DDC: variants seen among roughly 807,000 people sequenced by gnomAD.
The protein encoded by DDC is aromatic-L-amino-acid decarboxylase.
DDC carries 43 observed loss-of-function variants against 60.0 expected under a neutral mutation model. That is an observed-to-expected ratio of 0.72 (90% confidence interval 0.56 to 0.92). DDC has a LOEUF of 0.92. Ranked by LOEUF, DDC falls within the 40% of genes least tolerant of loss-of-function variation. The pLI is 0.00. For missense variants in DDC, 573 were observed against 620.2 expected (o/e 0.92, Z 0.81); for synonymous variants, 232 against 234.6 (o/e 0.99, Z 0.10).
Position 50,543,989 on chromosome 7 carries a change from C to A in DDC, c.97G>T (p.Val33Leu), listed in dbSNP as rs200593672. 3 of 1,614,126 alleles carry A rather than the reference C, an allele frequency of 1.9e-6. No homozygotes were observed. The highest frequency in any genetic ancestry group is 2.5e-6 in the Non-Finnish European group (3 of 1,179,970). Reference protein sequence around the residue: ...GIEGRQVYPDVEPGYLRPLIP... With the variant: ...GIEGRQVYPDLEPGYLRPLIP... ...AGCGGCCGCAGGTACCCGGGCTCCA[C>A]GTCAGGGTAGACCTGGCGTCCCTCA... The change falls in exon 2 of 15, where the codon GTG becomes TTG. Residue 33 changes from valine (V) to leucine (L), a missense_variant. Transcript: ENST00000444124.
chr7:50,495,577 A>AGG lies in DDC; in HGVS notation c.877-162_877-161dup, dbSNP rs200375903. Among the ~76,000 whole-genome samples the AGG allele has an allele frequency of 1.9e-4, 29 of 152,230 alleles. No individual in the cohort carries two copies. The East Asian group carries it at 5.4e-3, about 28-fold the overall frequency. ...AGGGGAGTAGTAACTTGTAGTGGGTAGGGGAGTCTTCTGGAGTGCTGGAAT... is the reference window on the plus strand; with the variant it reads ...AGGGGAGTAGTAACTTGTAGTGGGTAGGGGGGAGTCTTCTGGAGTGCTGGAAT... On this transcript the variant is annotated intron_variant, in intron 8 of 14. Transcript: ENST00000444124.
intron 1 of DDC, among the ~76,000 whole-genome samples, chr7:50,545,239 A>G (rs1477339925): frequency 6.6e-6 from 1 of 152,232 alleles, no homozygotes; most frequent in African/African-American, 2.4e-5. Flanking sequence ...CGCTACACAT[A>G]TGTACGTCCC....
intron 12 of DDC, 66 bp downstream of exon 12, chr7:50,470,007 A>G (rs1465536241): frequency 1.6e-5 from 17 of 1,068,018 alleles, no homozygotes; most frequent in Non-Finnish European, 1.3e-5. Context: ...AAAAATTTGA[A>G]TTTATTTCTA....
chr7:50,550,778 A>G (rs2044968490), intron 1 of DDC, among the ~76,000 whole-genome samples: 1 of 152,236 alleles, frequency 6.6e-6, no homozygotes, highest in Non-Finnish European at 1.5e-5. Flanking sequence ...ATATGCATCT[A>G]TCTCTGTGAG....
At chr7:50,467,494 C>T (rs1167893217) in intron 12 of DDC, among the ~76,000 whole-genome samples, 179 bp from the exon 13 acceptor site, 1 of 152,200 alleles carries the variant, frequency 6.6e-6, no homozygotes. Flanking sequence ...GAAACTCATT[C>T]CCTACATTAG....
At chr7:50,461,807 G>A (rs898381885) in intron 14 of DDC, among the ~76,000 whole-genome samples, 19 of 152,144 alleles carry the variant, frequency 1.2e-4, no homozygotes, top group Non-Finnish European at 4.4e-5. Context: ...ATACCACTTT[G>A]GAGTTGCTCT....
At chr7:50,490,878 A>G (rs1779438901) in intron 9 of DDC, among the ~76,000 whole-genome samples, 1 of 152,244 alleles carries the variant, frequency 6.6e-6, no homozygotes, top group Non-Finnish European at 1.5e-5. Flanking sequence ...TTATTTTACA[A>G]ATAAATTGGC....
intron 8 of DDC, among the ~76,000 whole-genome samples, chr7:50,496,876 G>T (rs1272986580): frequency 6.6e-6 from 1 of 152,192 alleles, no homozygotes; most frequent in Non-Finnish European, 1.5e-5. Context: ...GTCCTGGGAG[G>T]CATTTGGTTG....
chr7:50,562,161 C>G (rs2045354801), intron 1 of DDC, among the ~76,000 whole-genome samples: 1 of 152,216 alleles, frequency 6.6e-6, no homozygotes, highest in Non-Finnish European at 1.5e-5. Context: ...GGAACTGGGA[C>G]AGAGGCAGCG....
At chr7:50,551,002 T>C (rs763338885) in intron 1 of DDC, among the ~76,000 whole-genome samples, 3 of 152,212 alleles carry the variant, frequency 2.0e-5, no homozygotes, top group Non-Finnish European at 2.9e-5. Flanking sequence ...CAACCTCTTG[T>C]TTACGTTTCT....
chr7:50,556,764 T>A (rs1308507563), intron 1 of DDC, among the ~76,000 whole-genome samples: 1 of 152,180 alleles, frequency 6.6e-6, no homozygotes. Context: ...TTGGCGAGAT[T>A]GGTCTGCGTT....
intron 1 of DDC, among the ~76,000 whole-genome samples, chr7:50,552,460 C>T (rs2045032062): frequency 6.6e-6 from 1 of 152,192 alleles, no homozygotes; most frequent in Non-Finnish European, 1.5e-5. Flanking sequence ...GGTGAGCTGG[C>T]TGCCTCCCTG....
intron 7 of DDC, among the ~76,000 whole-genome samples, chr7:50,502,130 A>T (rs2043274475): frequency 6.6e-6 from 1 of 152,120 alleles, no homozygotes; most frequent in Non-Finnish European, 1.5e-5. Flanking sequence ...CTGCCAATGG[A>T]TGAAAGGGTT....
At chr7:50,462,121 C>T (rs535555340) in intron 14 of DDC, among the ~76,000 whole-genome samples, 9 of 147,322 alleles carry the variant, frequency 6.1e-5, no homozygotes, top group Non-Finnish European at 1.0e-4. Context: ...AAATCCCCCA[C>T]GGGTTATAAT....
Position 50,467,243 on chromosome 7 carries a change from T to G in DDC, c.1213A>C (p.Ile405Leu). The G allele has an allele frequency of 6.2e-7, 1 of 1,614,146 alleles. No homozygotes were observed. Among genetic ancestry groups the G allele is most frequent in the Non-Finnish European group, 8.5e-7 (1 of 1,179,994 alleles). Residue 405 changes from isoleucine to leucine, a missense_variant, in exon 13 of 15, where the codon ATT (isoleucine) becomes CTT (leucine). Ile to Leu is a conservative substitution (Grantham distance 5, BLOSUM62 2). Transcript: ENST00000444124. ...DPRFEICVEV[I>L]LGLVCFRLKG... ...AGCCGAAAGCAGACAAGCCCCAGAA[T>G]GACTTCCACACAGATTTCAAAGCGG...
At chr7:50,468,142 G>A (rs867187279) in intron 12 of DDC, among the ~76,000 whole-genome samples, 12 of 152,348 alleles carry the variant, frequency 7.9e-5, no homozygotes, top group Middle Eastern at 3.4e-3. Flanking sequence ...GCGGCGCCTC[G>A]CGGGCAGGGG....
At chr7:50,481,802 C>T (rs939407444) in intron 9 of DDC, among the ~76,000 whole-genome samples, 3 of 152,134 alleles carry the variant, frequency 2.0e-5, no homozygotes, top group Admixed American at 6.5e-5. Flanking sequence ...CATACTGTAC[C>T]ATAAACTTAA....
At chr7:50,544,296 G>A (rs999450127) in intron 1 of DDC, among the ~76,000 whole-genome samples, 183 bp from the exon 2 acceptor site, 1 of 152,174 alleles carries the variant, frequency 6.6e-6, no homozygotes, top group African/African-American at 2.4e-5. Flanking sequence ...CACTGGATTT[G>A]GGACTGAGGC....
intron 11 of DDC, among the ~76,000 whole-genome samples, chr7:50,472,748 C>T (rs539552758): frequency 5.8e-4 from 89 of 152,310 alleles, no homozygotes; most frequent in Middle Eastern, 3.4e-3. Context: ...CCATACCTCG[C>T]GTCCTGAACA....
Sources: allele counts gnomAD v4.1 joint callset (sites outside exome capture counted in the v4.1 genomes callset), GRCh38; gene constraint gnomAD v4.1.1; transcripts MANE v1.5; gene names NCBI Gene and HGNC (gene_info 2026-07-23, HGNC 2026-07-21).